Variants in DAB2IP observed in about 807,000 individuals in gnomAD.
The protein encoded by DAB2IP is disabled homolog 2-interacting protein.
DAB2IP carries 28 observed loss-of-function variants against 107.2 expected under a neutral mutation model. That is an observed-to-expected ratio of 0.26 (90% CI 0.19 to 0.36). The LOEUF (loss-of-function observed/expected upper bound fraction) is 0.36, where lower values mean the gene tolerates loss of function less well. Among genes scored for constraint, DAB2IP ranks in the 10% least tolerant of loss-of-function variants. The pLI is 1.00. For synonymous variants in DAB2IP, 755 were observed against 706.4 expected (o/e 1.07, Z -1.09); for missense variants, 1,400 against 1,644.7 (o/e 0.85, Z 2.57).
intron 3 of DAB2IP, among the ~76,000 whole-genome samples, chr9:121,706,931 C>G (rs1017559293): frequency 6.6e-6 from 1 of 152,182 alleles, no homozygotes; most frequent in African/African-American, 2.4e-5. Context: ...AGGGTCCATC[C>G]CCACCCACAA....
chr9:121,745,207 A>C (rs888406466), intron 3 of DAB2IP, among the ~76,000 whole-genome samples: 1 of 152,150 alleles, frequency 6.6e-6, no homozygotes, highest in Non-Finnish European at 1.5e-5. Flanking sequence ...AGAGGTGCAG[A>C]GACAGCCCTA....
chr9:121,685,497 C>G (rs1321375144), intron 2 of DAB2IP, among the ~76,000 whole-genome samples: 1 of 152,218 alleles, frequency 6.6e-6, no homozygotes, highest in Non-Finnish European at 1.5e-5. Context: ...GTGGTTTCAT[C>G]AGCTCCATTT....
intron 1 of DAB2IP, among the ~76,000 whole-genome samples, chr9:121,576,691 C>A (rs1450369650): frequency 6.6e-6 from 1 of 152,104 alleles, no homozygotes; most frequent in East Asian, 1.9e-4. Flanking sequence ...TGATCTCTGG[C>A]CTGTGTGGCA....
chr9:121,652,500 C>T (rs1459903129), intron 1 of DAB2IP, among the ~76,000 whole-genome samples: 5 of 152,098 alleles, frequency 3.3e-5, no homozygotes, highest in Non-Finnish European at 7.4e-5. Context: ...TGCGTGTGAT[C>T]CCGGGGGCTG....
intron 3 of DAB2IP, among the ~76,000 whole-genome samples, chr9:121,705,105 G>A (rs965355433): frequency 1.1e-4 from 16 of 152,200 alleles, no homozygotes; most frequent in Non-Finnish European, 2.9e-5. Flanking sequence ...TTTAGATCTG[G>A]AGCTCCCTTG....
At position 121,782,091 on chromosome 9, in the gene DAB2IP, C is replaced by A. The variant is rs2119044864; in HGVS notation, c.3403-240C>A. 6.6e-6 allele frequency among the ~76,000 whole-genome samples: 1 copy of A among 152,254 alleles called. No individual in the cohort carries two copies. The highest frequency in any genetic ancestry group is 6.5e-5 in the Admixed American group (1 of 15,308). On this transcript the variant is annotated intron_variant, in intron 15 of 15. Transcript: ENST00000408936. This position sits in a 1 kb window ranked among gnomAD's most constrained non-coding sequence, Gnocchi z 6.1. The stretch of plus-strand genomic sequence containing the variant: ...TGAGCAAGGGTGCCTGCCCTAGGGG[C>A]CGCAGGCAGCCCATAGACAGCACTA...
At chr9:121,668,127 A>C (rs1414482917) in intron 1 of DAB2IP, among the ~76,000 whole-genome samples, 3 of 152,102 alleles carry the variant, frequency 2.0e-5, no homozygotes, top group African/African-American at 7.2e-5. Context: ...GAATTATGGG[A>C]GTACAATTCA....
chr9:121,772,085 C>G lies in DAB2IP; in HGVS notation c.2079-522C>G, dbSNP rs867536877. ...TGTTTTTGCCAGGAACTCCAGCCCC[C>G]GCCTGCCAGTCAAACAAGGGAGCGG... On this transcript the variant is annotated intron_variant, in intron 11 of 15. Coordinates refer to ENST00000408936, the Ensembl canonical transcript of DAB2IP. This position sits in a 1 kb window ranked among gnomAD's most constrained non-coding sequence, Gnocchi z 4.7. 6.6e-6 allele frequency among the ~76,000 whole-genome samples: 1 copy of G among 152,164 alleles called. No individual in the cohort carries two copies. Among genetic ancestry groups the G allele is most frequent in the Admixed American group, 6.5e-5 (1 of 15,284 alleles).
intron 1 of DAB2IP, among the ~76,000 whole-genome samples, chr9:121,597,967 C>T (rs1028501051): frequency 6.6e-6 from 1 of 152,218 alleles, no homozygotes; most frequent in African/African-American, 2.4e-5. Flanking sequence ...CTGGGAGGCT[C>T]TTCCCAGTGC....
chr9:121,757,005 C>T lies in DAB2IP; in HGVS notation c.363-8C>T, dbSNP rs1173961242. ...GGGGCCCACCTGACACACCTACTGC[C>T]ACCCCAGGTCCCATCTGATGCCGAG... On this transcript the variant is annotated splice_region_variant and splice_polypyrimidine_tract_variant and intron_variant, in intron 3 of 15. Coordinates refer to ENST00000408936, the Ensembl canonical transcript of DAB2IP. 3.1e-6 allele frequency: 5 copies of T among 1,613,854 alleles called. No homozygotes were observed. Among genetic ancestry groups the T allele is most frequent in the Admixed American group, 1.7e-5 (1 of 60,028 alleles).
At chr9:121,593,177 G>T (rs1830451226) in intron 1 of DAB2IP, among the ~76,000 whole-genome samples, 1 of 151,954 alleles carries the variant, frequency 6.6e-6, no homozygotes, top group Non-Finnish European at 1.5e-5. Context: ...TCAAACTGCT[G>T]GGCTCAAGAG....
chr9:121,567,953 C>A (rs1829846885), intron 1 of DAB2IP, among the ~76,000 whole-genome samples: 1 of 151,918 alleles, frequency 6.6e-6, no homozygotes, highest in South Asian at 2.1e-4. Context: ...TCTGGACAAC[C>A]AAGGAGGGAC....
intron 3 of DAB2IP, among the ~76,000 whole-genome samples, chr9:121,709,297 C>T (rs956021706): frequency 2.0e-5 from 3 of 152,120 alleles, no homozygotes; most frequent in East Asian, 1.9e-4. Flanking sequence ...CGTAGCGGGG[C>T]GGGGGACGGA....
Position 121,701,296 on chromosome 9 carries a change from A to T in DAB2IP, c.362+1838A>T, listed in dbSNP as rs1829770014. 6.6e-6 allele frequency among the ~76,000 whole-genome samples: 1 copy of T among 152,166 alleles called. No homozygotes were observed. Among genetic ancestry groups the T allele is most frequent in the African/African-American group, 2.4e-5 (1 of 41,450 alleles). ...AGTGCTGGCTGGCCACCCTAGCCAG[A>T]GGTCGGGGCATGGCCAAGACGACCT... On this transcript the variant is annotated intron_variant, in intron 3 of 15. Coordinates refer to ENST00000408936, the Ensembl canonical transcript of DAB2IP. This position sits in a 1 kb window ranked among gnomAD's most constrained non-coding sequence, Gnocchi z 4.7.
At chr9:121,602,629 G>A (rs940751003) in intron 1 of DAB2IP, among the ~76,000 whole-genome samples, 2 of 152,184 alleles carry the variant, frequency 1.3e-5, no homozygotes, top group Admixed American at 6.5e-5. Flanking sequence ...AGGCTGGAGT[G>A]CAGTGGCGTG....
chr9:121,781,639 C>A, intron 15 of DAB2IP, 88 bp downstream of exon 15: 2 of 1,332,678 alleles, frequency 1.5e-6, no homozygotes, highest in South Asian at 1.2e-5. Context: ...TCAGTCATAC[C>A]TCACTGCAGA....
At chr9:121,682,375 C>T (rs62572794) in intron 2 of DAB2IP, among the ~76,000 whole-genome samples, 3,651 of 152,276 alleles carry the variant, frequency 0.024, 71 homozygotes, top group Non-Finnish European at 0.033. Flanking sequence ...AGGGGTGCTC[C>T]GCAGGGAGAA....
chr9:121,693,599 G>A (rs538772089), intron 2 of DAB2IP, among the ~76,000 whole-genome samples: 3 of 152,346 alleles, frequency 2.0e-5, no homozygotes, highest in African/African-American at 7.2e-5. Context: ...GGGCCTTGGC[G>A]GAGGGAGGGC....
At chr9:121,745,265 A>G (rs963419631) in intron 3 of DAB2IP, among the ~76,000 whole-genome samples, 43 of 152,232 alleles carry the variant, frequency 2.8e-4, no homozygotes, top group African/African-American at 9.9e-4. Context: ...GTGGGTGAGC[A>G]GGTACTTGAG....
Sources: allele counts gnomAD v4.1 joint callset (sites outside exome capture counted in the v4.1 genomes callset), GRCh38; gene constraint gnomAD v4.1.1; non-coding constraint Gnocchi (gnomAD v3.1); transcripts MANE v1.5; gene names NCBI Gene and HGNC (gene_info 2026-07-23, HGNC 2026-07-21).